TBC1D2: variants seen among roughly 807,000 people sequenced by gnomAD.
TBC1D2 encodes TBC1 domain family member 2.
In TBC1D2, 58 loss-of-function variants were observed where a neutral mutation model predicts 91.1. The ratio of observed to expected loss-of-function variants is 0.64; its 90% CI spans 0.52 to 0.79. The LOEUF (loss-of-function observed/expected upper bound fraction) is 0.79. Among genes scored for constraint, TBC1D2 ranks in the 30% least tolerant of loss-of-function variants. The probability of loss-of-function intolerance (pLI) is 0.00; values close to 1 mark genes in which losing one functional copy is unlikely to be tolerated. For synonymous variants in TBC1D2, 482 were observed against 511.5 expected, an observed-to-expected ratio of 0.94 and a Z score of 0.78; for missense variants, 1,080 against 1,208.3, an observed-to-expected ratio of 0.89 and a Z score of 1.57.
chr9:98,229,179 A>G (rs1829309077), intron 4 of TBC1D2, 31 bp from the exon 5 acceptor site: 5 of 1,605,372 alleles, frequency 3.1e-6, no homozygotes, highest in Non-Finnish European at 4.3e-6. Flanking sequence ...AGAAGTTATG[A>G]CTGATGACAT....
At chr9:98,254,744 A>G (rs988858317) in intron 1 of TBC1D2, among the ~76,000 whole-genome samples, 1 of 152,228 alleles carries the variant, frequency 6.6e-6, no homozygotes, top group Non-Finnish European at 1.5e-5. Context: ...AGAAACGGGA[A>G]TCAGAATCCT....
intron 11 of TBC1D2, 121 bp downstream of exon 11, chr9:98,201,358 G>C (rs1361311024): frequency 1.1e-6 from 1 of 880,556 alleles, no homozygotes; most frequent in Non-Finnish European, 1.7e-6. Flanking sequence ...GCTCTCAGGA[G>C]ACGTTCAACA....
At chr9:98,246,948 A>G (rs1013060991) in intron 2 of TBC1D2, among the ~76,000 whole-genome samples, 1 of 152,070 alleles carries the variant, frequency 6.6e-6, no homozygotes, top group Non-Finnish European at 1.5e-5. Flanking sequence ...TGAAGAACCA[A>G]ACCTGGCTTT....
intron 2 of TBC1D2, among the ~76,000 whole-genome samples, chr9:98,250,586 G>A (rs371761980): frequency 6.6e-6 from 1 of 152,106 alleles, no homozygotes; most frequent in East Asian, 1.9e-4. Context: ...GGTACAAGAG[G>A]GGAAATCTAC....
At chr9:98,227,784 A>G (rs1331504470) in intron 5 of TBC1D2, among the ~76,000 whole-genome samples, 4 of 145,438 alleles carry the variant, frequency 2.8e-5, no homozygotes, top group African/African-American at 9.9e-5. Context: ...TCTGTCTCAA[A>G]AAAAAAAAAA....
chr9:98,219,063 G>T (rs547379414), intron 6 of TBC1D2, among the ~76,000 whole-genome samples: 38 of 152,318 alleles, frequency 2.5e-4, no homozygotes, highest in African/African-American at 9.1e-4. Context: ...TAACCCAAAA[G>T]AATCTCTGAT....
intron 6 of TBC1D2, among the ~76,000 whole-genome samples, chr9:98,217,874 T>C (rs1425172424): frequency 6.6e-6 from 1 of 151,896 alleles, no homozygotes; most frequent in Non-Finnish European, 1.5e-5. Context: ...CCTTCATACC[T>C]AGTGAATTTA....
At chr9:98,217,701 CTCTT>C (rs1036053194) in intron 6 of TBC1D2, among the ~76,000 whole-genome samples, 4 of 152,096 alleles carry the variant, frequency 2.6e-5, no homozygotes, top group Admixed American at 6.6e-5. Context: ...CTACATGCAA[CTCTT>C]TCTCTTTTTT....
rs1379204966 is a variant in TBC1D2 at position 98,221,060 on chromosome 9, G to A, written c.1147C>T (p.Arg383Trp). The change falls in exon 6 of 13, where the codon CGG (arginine) becomes TGG (tryptophan). Residue 383 changes from arginine to tryptophan, a missense_variant. Transcript: ENST00000465784. Reference protein sequence around the residue: ...GRRVEALEQERESLAHTASLR... With the variant: ...GRRVEALEQEWESLAHTASLR... ...CTCGCTGTGTGCGCCAGGCTCTCCC[G>A]CTCCTGCTCCAGGGCCTCCACCCGC... The A allele has an allele frequency of 1.9e-6, 3 of 1,610,640 alleles. No individual in the cohort carries two copies. The highest frequency in any genetic ancestry group is 2.2e-5 in the East Asian group (1 of 44,782).
intron 1 of TBC1D2, among the ~76,000 whole-genome samples, chr9:98,253,761 C>G (rs1296001298): frequency 1.3e-5 from 2 of 152,164 alleles, no homozygotes; most frequent in African/African-American, 4.8e-5. Flanking sequence ...CTGACTCCTC[C>G]TGTCACCACA....
intron 8 of TBC1D2, among the ~76,000 whole-genome samples, chr9:98,209,988 T>C (rs1349344074): frequency 3.5e-5 from 5 of 143,130 alleles, no homozygotes; most frequent in African/African-American, 1.3e-4. Flanking sequence ...ACCACCACTC[T>C]TCTTTTTTTT....
At chr9:98,232,250 C>T (rs983071322) in intron 4 of TBC1D2, among the ~76,000 whole-genome samples, 4 of 151,830 alleles carry the variant, frequency 2.6e-5, no homozygotes, top group Non-Finnish European at 5.9e-5. Context: ...TAGCACTGGC[C>T]TTCTCTTGGA....
At chr9:98,219,951 G>A (rs1588042900) in intron 6 of TBC1D2, among the ~76,000 whole-genome samples, 1 of 152,276 alleles carries the variant, frequency 6.6e-6, no homozygotes, top group African/African-American at 2.4e-5. Flanking sequence ...GACAGTTCCT[G>A]TCACAACCCT....
At chr9:98,224,195 T>TA (rs1829169834) in intron 5 of TBC1D2, among the ~76,000 whole-genome samples, 1 of 92,796 alleles carries the variant, frequency 1.1e-5, no homozygotes, top group African/African-American at 5.1e-5. Flanking sequence ...AGACTCCATC[T>TA]CAAAAAAAAA....
At chr9:98,232,341 T>TG (rs1829390538) in intron 4 of TBC1D2, among the ~76,000 whole-genome samples, 2 of 124,572 alleles carry the variant, frequency 1.6e-5, no homozygotes, top group Non-Finnish European at 3.3e-5. Flanking sequence ...TCTCTTTTTC[T>TG]GTTTTTTTTT....
In TBC1D2 at chr9:98,210,794, G is replaced by T. The variant is rs1258701078; in HGVS notation, c.1535C>A (p.Ala512Asp). The change falls in exon 8 of 13, where the codon GCC becomes GAC. Residue 512 changes from alanine (A) to aspartate (D), a missense_variant. Physicochemically the swap from Ala to Asp is moderately radical, Grantham distance 126. Transcript: ENST00000465784. ...RNCQVESKYL[A>D]GLRRLQEALG... is the part of the protein sequence containing the mutation. ...GGCCTCCTGCAGCCTTCTCAGACCG[G>T]CCAGGTACTTGCTTTCCACCTGGCA... is the stretch of plus-strand genomic sequence containing the variant. 2 of 1,554,354 alleles carry T rather than the reference G, an allele frequency of 1.3e-6. No homozygotes were observed. Among genetic ancestry groups the T allele is most frequent in the Admixed American group, 3.9e-5 (2 of 51,326 alleles).
rs533583653 is a variant in TBC1D2, at chr9:98,240,319, C to T, written c.647+3675G>A. ...GCAGAGAAGAAATTAGAACTCAGCA[C>T]TCCCAATACCTGATCTTTTGCTGTA... On this transcript the variant is annotated intron_variant, in intron 3 of 12. Coordinates refer to ENST00000465784, the MANE Select transcript of TBC1D2 (RefSeq NM_001267571.2). Among the ~76,000 whole-genome samples, 11 of 152,330 alleles carry T rather than the reference C, an allele frequency of 7.2e-5. No homozygotes were observed. The East Asian group carries it at 2.1e-3, about 29-fold the overall frequency.
intron 9 of TBC1D2, among the ~76,000 whole-genome samples, chr9:98,204,918 C>T (rs1828610262): frequency 6.6e-6 from 1 of 152,184 alleles, no homozygotes; most frequent in South Asian, 2.1e-4. Context: ...GGCAGCATTC[C>T]CTTTGTCTAA....
chr9:98,246,180 G>C (rs1036322949), intron 2 of TBC1D2, among the ~76,000 whole-genome samples: 10 of 152,200 alleles, frequency 6.6e-5, no homozygotes, highest in African/African-American at 2.4e-4. Context: ...AGCTTGATTA[G>C]ACAGCCCCTG....
Sources: gnomAD v4.1 joint callset for allele counts (sites outside exome capture counted in the v4.1 genomes callset) on GRCh38, gnomAD v4.1.1 for gene constraint, MANE v1.5 for transcripts, NCBI Gene and HGNC (gene_info 2026-07-23, HGNC 2026-07-21) for gene names.